CTTNBP2: variants seen among roughly 807,000 people sequenced by gnomAD.
The protein encoded by CTTNBP2 is cortactin-binding protein 2.
A neutral mutation model predicts 156.9 loss-of-function variants in CTTNBP2; 108 were observed. The observed-to-expected ratio is 0.69, with a 90% confidence interval of 0.59 to 0.81. The LOEUF (loss-of-function observed/expected upper bound fraction) is 0.81, where lower values mean the gene tolerates loss of function less well. Ranked by LOEUF, CTTNBP2 falls within the 30% of genes least tolerant of loss-of-function variation. CTTNBP2 has a pLI of 0.00. For missense variants in CTTNBP2, 1,924 were observed against 2,035.4 expected (o/e 0.95, Z 1.05); for synonymous variants, 767 against 751.8 (o/e 1.02, Z -0.33).
In CTTNBP2 at chr7:117,767,137, G is replaced by C. The variant is rs1797528379; in HGVS notation, c.2818C>G (p.Pro940Ala). 6.2e-7 allele frequency: 1 copy of C among 1,612,080 alleles called. No homozygotes were observed. Among genetic ancestry groups the C allele is most frequent in the South Asian group, 1.1e-5 (1 of 91,040 alleles). ...CGATTGCACTTGTCTCTCCTTTCTG[G>C]CTCAAGCCCTCCGTGCCTACACAAG... ...EILCRHGGLEPERRDKCNRTV... is the reference protein window; with the variant it reads ...EILCRHGGLEAERRDKCNRTV... The change falls in exon 9 of 23, where the codon CCA becomes GCA. Residue 940 changes from proline (P) to alanine (A), a missense_variant. Transcript: ENST00000160373.
intron 19 of CTTNBP2, among the ~76,000 whole-genome samples, chr7:117,724,120 C>T (rs561834715): frequency 6.6e-6 from 1 of 152,122 alleles, no homozygotes; most frequent in African/African-American, 2.4e-5. Context: ...GAAATGTGTA[C>T]ACCTGATTCA....
chr7:117,749,202 A>G (rs1004926164), intron 12 of CTTNBP2, among the ~76,000 whole-genome samples: 1 of 152,136 alleles, frequency 6.6e-6, no homozygotes, highest in African/African-American at 2.4e-5. Flanking sequence ...TATATGGTTA[A>G]TTTGTTATTA....
chr7:117,821,085 T>C (rs1307275789), intron 2 of CTTNBP2, among the ~76,000 whole-genome samples: 1 of 152,188 alleles, frequency 6.6e-6, no homozygotes, highest in East Asian at 1.9e-4. Flanking sequence ...ACAAACTTCT[T>C]AATTCTACAC....
intron 8 of CTTNBP2, among the ~76,000 whole-genome samples, chr7:117,773,695 A>G (rs1475290546): frequency 2.3e-5 from 3 of 131,658 alleles, no homozygotes; most frequent in Non-Finnish European, 3.3e-5. Context: ...ACACACACAC[A>G]CACACACACA....
At chr7:117,810,025 A>T (rs1800174302) in intron 3 of CTTNBP2, among the ~76,000 whole-genome samples, 1 of 152,166 alleles carries the variant, frequency 6.6e-6, no homozygotes, top group Admixed American at 6.5e-5. Context: ...ATTTCTATTT[A>T]CTTATTTCCT....
chr7:117,744,203 C>A lies in CTTNBP2; in HGVS notation c.3535+1628G>T, dbSNP rs552194163. ...CTCCTTCTAGTTATTTTACAATGTA[C>A]AATTAAGTTATTACTGACTATAGGT... On this transcript the variant is annotated intron_variant, in intron 14 of 22. Transcript: ENST00000160373. Among the ~76,000 whole-genome samples the A allele has an allele frequency of 2.0e-5, 3 of 152,204 alleles. No homozygotes were observed. The South Asian group carries it at 6.2e-4, about 32-fold the overall frequency.
intron 1 of CTTNBP2, 111 bp downstream of exon 1, chr7:117,873,224 C>A: frequency 1.2e-6 from 1 of 836,668 alleles, no homozygotes; most frequent in South Asian, 3.5e-5. Flanking sequence ...CCGGAGAGTC[C>A]CGGGCTTACG....
chr7:117,826,310 G>T (rs1004952384), intron 2 of CTTNBP2, among the ~76,000 whole-genome samples: 1 of 152,104 alleles, frequency 6.6e-6, no homozygotes, highest in Admixed American at 6.6e-5. Flanking sequence ...TCAAGAGATA[G>T]TTTGTAAAGG....
chr7:117,776,940 C>T (rs189948785), intron 8 of CTTNBP2, among the ~76,000 whole-genome samples: 6 of 152,350 alleles, frequency 3.9e-5, no homozygotes, highest in Admixed American at 1.3e-4. Context: ...ATTGCTAACA[C>T]ATATTAATGC....
At chr7:117,754,335 A>G (rs1796773767) in intron 12 of CTTNBP2, among the ~76,000 whole-genome samples, 1 of 152,032 alleles carries the variant, frequency 6.6e-6, no homozygotes, top group South Asian at 2.1e-4. Flanking sequence ...ATTTTTCTTT[A>G]CACTTGTGTT....
intron 3 of CTTNBP2, among the ~76,000 whole-genome samples, chr7:117,804,768 T>A (rs1312748505): frequency 1.3e-5 from 2 of 152,128 alleles, no homozygotes. Context: ...TGGGGCCTGT[T>A]GGGGCATGGC....
intron 8 of CTTNBP2, among the ~76,000 whole-genome samples, chr7:117,773,690 CACACACACACACACA>C (rs1797924968): frequency 2.0e-5 from 3 of 148,856 alleles, no homozygotes; most frequent in African/African-American, 7.7e-5. Flanking sequence ...CACACACACA[CACACACACACACACA>C]CACCCCAAAA....
At chr7:117,858,240 G>A (rs773381244) in intron 2 of CTTNBP2, among the ~76,000 whole-genome samples, 1 of 152,120 alleles carries the variant, frequency 6.6e-6, no homozygotes, top group Non-Finnish European at 1.5e-5. Context: ...CATGGTGGCA[G>A]GCACCTGTAG....
At chr7:117,752,232 GA>G (rs1451777162) in intron 12 of CTTNBP2, among the ~76,000 whole-genome samples, 1 of 152,000 alleles carries the variant, frequency 6.6e-6, no homozygotes, top group African/African-American at 2.4e-5. Flanking sequence ...ACAGGTAGAA[GA>G]AACTCAAGGA....
chr7:117,730,903 G>C (rs1795364840), intron 16 of CTTNBP2, among the ~76,000 whole-genome samples: 1 of 152,158 alleles, frequency 6.6e-6, no homozygotes, highest in Non-Finnish European at 1.5e-5. Context: ...CGGTTAGGAT[G>C]AGAGAATCAT....
chr7:117,806,558 T>C (rs1799956607), intron 3 of CTTNBP2, among the ~76,000 whole-genome samples: 3 of 152,064 alleles, frequency 2.0e-5, no homozygotes, highest in South Asian at 2.1e-4. Flanking sequence ...CAACAAGATA[T>C]ATTAAGAGAT....
intron 3 of CTTNBP2, among the ~76,000 whole-genome samples, chr7:117,795,447 C>T (rs559917672): frequency 4.8e-4 from 73 of 152,262 alleles, no homozygotes; most frequent in African/African-American, 1.6e-3. Context: ...CAAATTTCAT[C>T]ATTTGCCTCT....
At chr7:117,869,141 T>A (rs533592175) in intron 1 of CTTNBP2, among the ~76,000 whole-genome samples, 3 of 152,264 alleles carry the variant, frequency 2.0e-5, no homozygotes, top group South Asian at 2.1e-4. Flanking sequence ...ATTAAACTTT[T>A]AAAAAACCCC....
Position 117,849,285 on chromosome 7 carries a change from T to C in CTTNBP2, c.189+11924A>G, listed in dbSNP as rs149733904. On this transcript the variant is annotated intron_variant, in intron 2 of 22. Coordinates refer to ENST00000160373, the MANE Select transcript of CTTNBP2 (RefSeq NM_033427.3). ...CTTTGGATCAGCGGTTCTCAAACTT[T>C]AGCATGCATCAGAATCACCCAGAGG... Among the ~76,000 whole-genome samples the C allele has an allele frequency of 2.5e-3, 382 of 152,294 alleles. 1 individual carries two copies. The highest frequency in any genetic ancestry group is 0.017 in the Middle Eastern group (5 of 294).
Sources: allele counts gnomAD v4.1 joint callset (sites outside exome capture counted in the v4.1 genomes callset), GRCh38; gene constraint gnomAD v4.1.1; transcripts MANE v1.5; gene names NCBI Gene and HGNC (gene_info 2026-07-23, HGNC 2026-07-21).